The following CARF variants were observed in gnomAD, a reference collection of about 807,000 sequenced individuals.
CARF encodes the protein calcium-responsive transcription factor.
Under a neutral mutation model 82.0 loss-of-function variants are expected in CARF, and 57 were observed. That is an observed-to-expected ratio of 0.70 (90% confidence interval 0.56 to 0.87). The LOEUF (loss-of-function observed/expected upper bound fraction) is 0.87, where lower values mean the gene tolerates loss of function less well. Ranked by LOEUF, CARF falls within the 40% of genes least tolerant of loss-of-function variation. The pLI is 0.00. For missense variants in CARF, 771 were observed against 855.8 expected, an observed-to-expected ratio of 0.90 and a Z score of 1.24; for synonymous variants, 268 against 290.1, an observed-to-expected ratio of 0.92 and a Z score of 0.77.
chr2:202,979,111 G>T (rs940657942), intron 14 of CARF, among the ~76,000 whole-genome samples: 2 of 152,080 alleles, frequency 1.3e-5, no homozygotes, highest in African/African-American at 4.8e-5. Context: ...ACAAAAACTA[G>T]CTGGGCATGG....
At chr2:202,921,114 G>A (rs1690711394) in intron 2 of CARF, among the ~76,000 whole-genome samples, 1 of 152,052 alleles carries the variant, frequency 6.6e-6, no homozygotes, top group African/African-American at 2.4e-5. Context: ...CAATTCTCCC[G>A]CCTCAGCCTC....
At position 202,984,429 on chromosome 2, in the gene CARF, AAAG is replaced by A. The variant is rs2105953333; in HGVS notation, c.*808_*810del. ...AGATGTAGAAATTAAGAGAATTGAA[AAAG>A]AATAATAGAATTCCTTGGTGTTTAC... is the stretch of plus-strand genomic sequence containing the variant. On this transcript the variant is annotated 3_prime_UTR_variant, in exon 17 of 17. Coordinates refer to ENST00000438828, the MANE Select transcript of CARF (RefSeq NM_024744.17). 6.6e-6 allele frequency: 1 copy of A among 152,334 alleles called. No homozygotes were observed. The highest frequency in any genetic ancestry group is 1.5e-5 in the Non-Finnish European group (1 of 68,028). The allele number at this position is 152,334 out of a possible 1,614,324, so 9.4% of individuals were successfully genotyped here. A position where few individuals can be genotyped will look rare whatever the true frequency, so the allele number is the denominator to read the frequency against.
In CARF at chr2:202,952,631, C is replaced by G. The variant is rs1375561549; in HGVS notation, c.379C>G (p.Gln127Glu). The G allele has an allele frequency of 5.6e-6, 9 of 1,613,482 alleles. No homozygotes were observed. Among genetic ancestry groups the G allele is most frequent in the Non-Finnish European group, 7.6e-6 (9 of 1,179,870 alleles). Residue 127 changes from glutamine (Q) to glutamate (E), a missense_variant, in exon 6 of 17, where the codon CAA (glutamine) becomes GAA (glutamate). Physicochemically the swap from Gln to Glu is conservative, Grantham distance 29. Coordinates refer to ENST00000438828, the MANE Select transcript of CARF (RefSeq NM_024744.17). ...VIPPTQTGMA[Q>E]VIIPQGQLVD... ...TCCACCTACCCAGACAGGAATGGCACAAGTGATTATACCTCAGGGGCAACT... is the reference window on the plus strand; with the variant it reads ...TCCACCTACCCAGACAGGAATGGCAGAAGTGATTATACCTCAGGGGCAACT...
intron 1 of CARF, among the ~76,000 whole-genome samples, chr2:202,913,628 A>AT (rs1261277712): frequency 4.6e-5 from 7 of 152,312 alleles, no homozygotes; most frequent in African/African-American, 1.7e-4. Flanking sequence ...CCATGTGGTT[A>AT]TTGTAGTGGT....
At position 202,971,533 on chromosome 2, in the gene CARF, G is replaced by C. The variant is rs2059790883; in HGVS notation, c.1126G>C (p.Ala376Pro). 6.2e-7 allele frequency: 1 copy of C among 1,612,690 alleles called. No individual in the cohort carries two copies. The highest frequency in any genetic ancestry group is 8.5e-7 in the Non-Finnish European group (1 of 1,179,268). ...GTATGTACAGTTACCTACACAGCAA[G>C]CTCATCAGTATCATGAATTAGAGAC... The part of the protein sequence containing the change: ...RWYVQLPTQQ[A>P]HQYHELETPC... The change falls in exon 12 of 17, where the codon GCT (alanine) becomes CCT (proline). Residue 376 changes from alanine to proline, a missense_variant. Transcript: ENST00000438828.
At position 202,918,209 on chromosome 2, in the gene CARF, T is replaced by C. The variant is rs577585344; in HGVS notation, c.-163+166T>C. Among the ~76,000 whole-genome samples the C allele has an allele frequency of 3.9e-5, 6 of 152,326 alleles. No individual in the cohort carries two copies. The South Asian group carries it at 1.2e-3, about 32-fold the overall frequency. On this transcript the variant is annotated intron_variant, in intron 2 of 16. Transcript: ENST00000438828. ...TATACTTAGCTATTTAATATTAATA[T>C]CTGCATTCTTATAAACTTTACTTTG...
intron 9 of CARF, chr2:202,961,808 T>G: frequency 3.5e-6 from 1 of 282,818 alleles, no homozygotes; most frequent in South Asian, 5.8e-5. Flanking sequence ...GAGAAATTTA[T>G]GTCTATTTTA....
At position 202,985,411 on chromosome 2, in the gene CARF, TAA is replaced by T. The variant is rs1239384413; in HGVS notation, c.*1789_*1790del. On this transcript the variant is annotated 3_prime_UTR_variant, in exon 17 of 17. Transcript: ENST00000438828. ...CTTTAGATTTATATTTTATTTAATA[TAA>T]AGTTTATTATTTATACCCTTTTTAA... 1 of 152,062 alleles carries T rather than the reference TAA, an allele frequency of 6.6e-6. No homozygotes were observed. Among genetic ancestry groups the T allele is most frequent in the Non-Finnish European group, 1.5e-5 (1 of 67,974 alleles). 9.4% of individuals were successfully genotyped at this position (152,062 alleles called of 1,614,324 possible). A position where few individuals can be genotyped will look rare whatever the true frequency, so the allele number is the denominator to read the frequency against.
rs144888761 is a variant in CARF at position 202,948,784 on chromosome 2, G to A, written c.307-3775G>A. On this transcript the variant is annotated intron_variant, in intron 5 of 16. Coordinates refer to ENST00000438828, the MANE Select transcript of CARF (RefSeq NM_024744.17). Reference sequence around the variant, plus strand: ...GGTTTTCTAAATGTAGGATCATGTCGTCTGCAAACAAGGATAGTCCAACTT... The same window carrying A: ...GGTTTTCTAAATGTAGGATCATGTCATCTGCAAACAAGGATAGTCCAACTT... 3.5e-3 allele frequency among the ~76,000 whole-genome samples: 529 copies of A among 152,144 alleles called. 4 individuals are homozygous for A. The highest frequency in any genetic ancestry group is 0.012 in the African/African-American group (493 of 41,506).
chr2:202,981,241 G>A (rs1281175392), intron 14 of CARF, among the ~76,000 whole-genome samples: 1 of 152,142 alleles, frequency 6.6e-6, no homozygotes, highest in East Asian at 1.9e-4. Context: ...ATTCTCATAA[G>A]GAGTGTGCAA....
intron 11 of CARF, 90 bp from the exon 12 acceptor site, chr2:202,971,415 C>T: frequency 2.9e-6 from 2 of 692,114 alleles, no homozygotes; most frequent in South Asian, 2.3e-5. Context: ...GAGTATTAAC[C>T]TAAGTAATTA....
At chr2:202,978,557 G>T (rs1378822493) in intron 14 of CARF, among the ~76,000 whole-genome samples, 2 of 152,206 alleles carry the variant, frequency 1.3e-5, no homozygotes, top group Non-Finnish European at 2.9e-5. Flanking sequence ...GCATGGATTT[G>T]AGGGAAATGC....
intron 12 of CARF, 152 bp from the exon 13 acceptor site, chr2:202,974,182 G>C (rs2059930185): frequency 7.4e-6 from 4 of 538,874 alleles, no homozygotes; most frequent in Non-Finnish European, 1.2e-5. Context: ...ATGTTGTATG[G>C]AAAAAGTTTA....
At chr2:202,913,494 C>A (rs1325412927) in intron 1 of CARF, among the ~76,000 whole-genome samples, 3 of 152,066 alleles carry the variant, frequency 2.0e-5, no homozygotes, top group Admixed American at 2.0e-4. Flanking sequence ...GCTTTGCCAG[C>A]GTGAATAGAT....
intron 1 of CARF, among the ~76,000 whole-genome samples, chr2:202,917,100 A>T (rs1002197720): frequency 2.7e-5 from 4 of 148,056 alleles, no homozygotes; most frequent in African/African-American, 9.9e-5. Context: ...AGTCCCAGCT[A>T]CTTGGGAGGC....
intron 3 of CARF, among the ~76,000 whole-genome samples, chr2:202,929,309 AG>A (rs1692445379): frequency 6.6e-6 from 1 of 152,212 alleles, no homozygotes; most frequent in South Asian, 2.1e-4. Flanking sequence ...GTAGTTTTAT[AG>A]TTCCAGGTCT....
At chr2:202,969,444 A>T (rs1026019606) in intron 10 of CARF, among the ~76,000 whole-genome samples, 2 of 152,028 alleles carry the variant, frequency 1.3e-5, no homozygotes, top group Non-Finnish European at 2.9e-5. Flanking sequence ...GAGTGGTGGC[A>T]CATGCCTGTA....
rs1688805595 is a variant in CARF, at chr2:202,912,554, A to T, written c.-878A>T. 6.6e-6 allele frequency: 1 copy of T among 151,390 alleles called. No homozygotes were observed. The highest frequency in any genetic ancestry group is 2.4e-5 in the African/African-American group (1 of 41,232). The allele number at this position is 151,390 out of a possible 1,614,324, so 9.4% of individuals were successfully genotyped here. A position where few individuals can be genotyped will look rare whatever the true frequency, so the allele number is the denominator to read the frequency against. ...CGAGCAACTGCCGGCCTCCGCCCCCAGCCGCAGCCGGTCACTGGCGGCGCC... is the reference window on the plus strand; with the variant it reads ...CGAGCAACTGCCGGCCTCCGCCCCCTGCCGCAGCCGGTCACTGGCGGCGCC... On this transcript the variant is annotated 5_prime_UTR_variant, in exon 1 of 17. Coordinates refer to ENST00000438828, the MANE Select transcript of CARF (RefSeq NM_024744.17).
intron 3 of CARF, among the ~76,000 whole-genome samples, chr2:202,933,462 A>T (rs1693330122): frequency 6.6e-6 from 1 of 152,132 alleles, no homozygotes; most frequent in South Asian, 2.1e-4. Flanking sequence ...GTGCCTGTGA[A>T]GACTGCAGGG....
Sources: allele counts gnomAD v4.1 joint callset (sites outside exome capture counted in the v4.1 genomes callset), GRCh38; gene constraint gnomAD v4.1.1; transcripts MANE v1.5; gene names NCBI Gene and HGNC (gene_info 2026-07-23, HGNC 2026-07-21).